The following SRSF7 variants were observed in gnomAD, a reference collection of about 807,000 sequenced individuals.
SRSF7 encodes the protein serine/arginine-rich splicing factor 7.
In SRSF7, 15 loss-of-function variants were observed where a neutral mutation model predicts 42.2. The ratio of observed to expected loss-of-function variants is 0.36; its 90% confidence interval spans 0.24 to 0.55. SRSF7 has a LOEUF of 0.55. SRSF7 is among the 20% of genes least tolerant of loss of function. The probability of loss-of-function intolerance (pLI) is 0.88; values close to 1 mark genes in which losing one functional copy is unlikely to be tolerated. For synonymous variants in SRSF7, 138 were observed against 107.9 expected (o/e 1.28, Z -1.73); for missense variants, 181 against 305.9 (o/e 0.59, Z 3.04).
chr2:38,744,988 A>ACT lies in SRSF7; in HGVS notation c.*143_*144dup. Reference sequence around the variant, plus strand: ...CATTCAACAAAATTTATATTATCTTACTGCTGTGAATTTACATAGTAATCC... The same window carrying ACT: ...CATTCAACAAAATTTATATTATCTTACTCTGCTGTGAATTTACATAGTAATCC... On this transcript the variant is annotated 3_prime_UTR_variant, in exon 8 of 8. Transcript: ENST00000313117. 1 of 745,380 alleles carries ACT rather than the reference A, an allele frequency of 1.3e-6. No individual in the cohort carries two copies. Among genetic ancestry groups the ACT allele is most frequent in the Non-Finnish European group, 2.1e-6 (1 of 468,514 alleles). 46.2% of individuals were successfully genotyped at this position (745,380 alleles called of 1,614,324 possible).
chr2:38,751,351 G>T lies in SRSF7; in HGVS notation c.-95C>A. 12 of 1,569,904 alleles carry T rather than the reference G, an allele frequency of 7.6e-6. No homozygotes were observed. The highest frequency in any genetic ancestry group is 3.4e-5 in the Admixed American group (2 of 59,368). On this transcript the variant is annotated 5_prime_UTR_variant, in exon 1 of 8. Transcript: ENST00000313117. ...CACACCTTCACCCGCCAAGAGTCCCGGCGGCACTACGAGGAAGAGCCCGGG... is the reference window on the plus strand; with the variant it reads ...CACACCTTCACCCGCCAAGAGTCCCTGCGGCACTACGAGGAAGAGCCCGGG...
At chr2:38,746,108 G>T in intron 7 of SRSF7, 36 bp downstream of exon 7, 1 of 1,613,028 alleles carries the variant, frequency 6.2e-7, no homozygotes, top group South Asian at 1.1e-5. Context: ...GGCCACACTT[G>T]ACAGGCAAGA....
chr2:38,746,904 T>A (rs1020771377), intron 5 of SRSF7, 157 bp from the exon 6 acceptor site: 1 of 1,298,418 alleles, frequency 7.7e-7, no homozygotes, highest in Non-Finnish European at 1.0e-6. Flanking sequence ...TCAAACAAAG[T>A]GTTACCAGAC....
chr2:38,751,435 CG>C, upstream of SRSF7: 1 of 803,998 alleles, frequency 1.2e-6, no homozygotes, highest in Non-Finnish European at 2.0e-6. Context: ...TTGTTCTGCG[CG>C]GCACAAAGGA....
intron 1 of SRSF7, among the ~76,000 whole-genome samples, chr2:38,750,569 T>A (rs1377538586): frequency 6.6e-6 from 1 of 151,216 alleles, no homozygotes; most frequent in African/African-American, 2.4e-5. Flanking sequence ...AGGGCCTCGG[T>A]AGGGGCCGGG....
chr2:38,750,962 C>A (rs1486657826), intron 1 of SRSF7: 6 of 414,170 alleles, frequency 1.4e-5, no homozygotes, highest in East Asian at 4.4e-5. Flanking sequence ...CCGAGAAAGG[C>A]AACGCGAAAA....
At chr2:38,749,281 G>A in intron 3 of SRSF7, 2 of 1,457,732 alleles carry the variant, frequency 1.4e-6, no homozygotes, top group Non-Finnish European at 1.8e-6. Flanking sequence ...TTTGCAAGGC[G>A]CCTCAGCATG....
At position 38,745,191 on chromosome 2, in the gene SRSF7, A is replaced by C. The variant is rs1018162879; in HGVS notation, c.663-4T>G. ...AGGACTTCCTGATGGGGAACGACTA[A>C]AAAGAAAAACATTAGGTTTGGATCC... On this transcript the variant is annotated splice_polypyrimidine_tract_variant and splice_region_variant and intron_variant, in intron 7 of 7. Coordinates refer to ENST00000313117, the MANE Select transcript of SRSF7 (RefSeq NM_001031684.3). 1.9e-6 allele frequency: 3 copies of C among 1,614,036 alleles called. No individual in the cohort carries two copies. The African/African-American group carries it at 4.0e-5, about 22-fold the overall frequency.
At chr2:38,747,688 T>C (rs1185876492) in intron 5 of SRSF7, among the ~76,000 whole-genome samples, 2 of 152,210 alleles carry the variant, frequency 1.3e-5, no homozygotes, top group African/African-American at 4.8e-5. Flanking sequence ...TCTGATCTCT[T>C]TTCCTGGTGC....
At chr2:38,750,551 G>C (rs566942024) in intron 1 of SRSF7, among the ~76,000 whole-genome samples, 335 of 151,830 alleles carry the variant, frequency 2.2e-3, no homozygotes, top group Non-Finnish European at 3.5e-3. Context: ...AGCGGCGTCG[G>C]CGGCGGGAGG....
At chr2:38,747,543 A>C (rs933143261) in intron 5 of SRSF7, among the ~76,000 whole-genome samples, 2 of 152,012 alleles carry the variant, frequency 1.3e-5, no homozygotes, top group South Asian at 4.1e-4. Context: ...CTGGTTCTTT[A>C]GTTTTTTCAG....
chr2:38,745,052 G>A lies in SRSF7; in HGVS notation c.*81C>T. 1.4e-6 allele frequency: 2 copies of A among 1,383,418 alleles called. No homozygotes were observed. The highest frequency in any genetic ancestry group is 4.6e-5 in the East Asian group (2 of 43,300). The allele number at this position is 1,383,418 out of a possible 1,614,324, so 85.7% of individuals were successfully genotyped here. On this transcript the variant is annotated 3_prime_UTR_variant, in exon 8 of 8. Coordinates refer to ENST00000313117, the MANE Select transcript of SRSF7 (RefSeq NM_001031684.3). The stretch of plus-strand genomic sequence containing the variant: ...TTAGATGGTTGAATTATCTTTCCTA[G>A]GTTACACTTTACAGACATCACAAAT...
Position 38,746,767 on chromosome 2 carries a change from AAC to A in SRSF7, c.573-22_573-21del, listed in dbSNP as rs774038451. On this transcript the variant is annotated intron_variant, in intron 5 of 7. Coordinates refer to ENST00000313117, the MANE Select transcript of SRSF7 (RefSeq NM_001031684.3). ...GGGGATCTTAATAAAAAAAGTGAAA[AAC>A]ACAATTATATCAATCAGTCCAAAGG... 2 of 1,613,360 alleles carry A rather than the reference AAC, an allele frequency of 1.2e-6. No homozygotes were observed. The highest frequency in any genetic ancestry group is 1.7e-5 in the Admixed American group (1 of 59,934).
chr2:38,750,607 C>T (rs914990921), intron 1 of SRSF7, among the ~76,000 whole-genome samples: 1 of 152,032 alleles, frequency 6.6e-6, no homozygotes, highest in Admixed American at 6.5e-5. Context: ...CGCCGGCTCT[C>T]GTCCTCCGCG....
chr2:38,746,797 T>A (rs1419781904), intron 5 of SRSF7, 50 bp from the exon 6 acceptor site: 2 of 1,605,996 alleles, frequency 1.2e-6, no homozygotes, highest in Admixed American at 1.7e-5. Flanking sequence ...TCCAAAGGAA[T>A]TTCCTTAACT....
At chr2:38,747,104 C>T (rs770346557) in intron 5 of SRSF7, 1 of 483,072 alleles carries the variant, frequency 2.1e-6, no homozygotes, top group Non-Finnish European at 4.3e-6. Context: ...CTGTGGTACA[C>T]AATGGCAGTC....
In SRSF7 at chr2:38,746,289, G is replaced by C. The variant is rs142577059; in HGVS notation, c.627-110C>G. 45 of 1,224,854 alleles carry C rather than the reference G, an allele frequency of 3.7e-5. No homozygotes were observed. In the African/African-American group the frequency reaches 6.0e-4, roughly 16 times the overall value. 75.9% of individuals were successfully genotyped at this position (1,224,854 alleles called of 1,614,324 possible). Reference sequence around the variant, plus strand: ...TGTCCTAAGCTTAAAATGTCAGACTGCACTTAAACTGAAAAACATCCTACC... The same window carrying C: ...TGTCCTAAGCTTAAAATGTCAGACTCCACTTAAACTGAAAAACATCCTACC... On this transcript the variant is annotated intron_variant, in intron 6 of 7. Coordinates refer to ENST00000313117, the MANE Select transcript of SRSF7 (RefSeq NM_001031684.3).
intron 5 of SRSF7, 66 bp from the exon 6 acceptor site, chr2:38,746,813 A>G: frequency 6.2e-7 from 1 of 1,601,466 alleles, no homozygotes; most frequent in Non-Finnish European, 8.5e-7. Flanking sequence ...TAACTACTCA[A>G]CACTGTATTA....
intron 5 of SRSF7, 37 bp from the exon 6 acceptor site, chr2:38,746,784 C>G (rs1435431432): frequency 1.9e-6 from 3 of 1,611,602 alleles, no homozygotes; most frequent in Non-Finnish European, 2.5e-6. Context: ...TTATATCAAT[C>G]AGTCCAAAGG....
Sources: allele counts gnomAD v4.1 joint callset (sites outside exome capture counted in the v4.1 genomes callset), GRCh38; gene constraint gnomAD v4.1.1; transcripts MANE v1.5; gene names NCBI Gene and HGNC (gene_info 2026-07-23, HGNC 2026-07-21).